Variants in SI observed in about 807,000 individuals in gnomAD.
SI encodes the protein sucrase-isomaltase, also known as sucrase-isomaltase, intestinal.
In SI, 235 loss-of-function variants were observed where a neutral mutation model predicts 253.3. That is an observed-to-expected ratio of 0.93 (90% CI 0.83 to 1.03). SI has a LOEUF of 1.03. Ranked by LOEUF, SI falls within the 50% of genes least tolerant of loss-of-function variation. The pLI, the probability that SI is intolerant of heterozygous loss-of-function variation, is 0.00. For synonymous variants in SI, 819 were observed against 712.0 expected (o/e 1.15, Z -2.39); for missense variants, 2,442 against 2,211.1 (o/e 1.10, Z -2.09).
Position 165,023,579 on chromosome 3 carries a change from C to T in SI, c.3090G>A (p.Leu1030=), listed in dbSNP as rs768992798. ...TTTATATCAAGCATACCTTAAACTG[C>T]AACATATCATTTTTGTGATATTTCA... ...VEVKYHKNDM[L]QFKIYDPQKK... Residue 1030 remains leucine (L), a synonymous_variant, in exon 26 of 48, where the codon TTG becomes TTA. Transcript: ENST00000264382. 6.2e-7 allele frequency: 1 copy of T among 1,609,534 alleles called. No homozygotes were observed. The highest frequency in any genetic ancestry group is 8.5e-7 in the Non-Finnish European group (1 of 1,176,914).
intron 44 of SI, 55 bp from the exon 45 acceptor site, chr3:164,987,281 G>T: frequency 7.2e-7 from 1 of 1,385,222 alleles, no homozygotes; most frequent in Non-Finnish European, 1.0e-6. Flanking sequence ...CATATGTCTA[G>T]TTATGATATG....
chr3:165,044,318 A>AT (rs1713005151), intron 16 of SI, among the ~76,000 whole-genome samples: 1 of 151,886 alleles, frequency 6.6e-6, no homozygotes, highest in African/African-American at 2.4e-5. Context: ...ACATAGGATT[A>AT]TTTTTCTGGT....
chr3:165,055,711 C>T (rs1401662373), intron 12 of SI, among the ~76,000 whole-genome samples: 2 of 151,872 alleles, frequency 1.3e-5, no homozygotes, highest in African/African-American at 2.4e-5. Context: ...TAAAAACTGT[C>T]TTTTATGTTT....
At position 165,062,711 on chromosome 3, in the gene SI, G is replaced by A. The variant is rs531302759; in HGVS notation, c.908-228C>T. Reference sequence around the variant, plus strand: ...TCCCAGCTATTTTCTTTCACAGGTGGTGGCAAAAGCTCCCCTGGATATTGT... The same window carrying A: ...TCCCAGCTATTTTCTTTCACAGGTGATGGCAAAAGCTCCCCTGGATATTGT... On this transcript the variant is annotated intron_variant, in intron 8 of 47. Transcript: ENST00000264382. Among the ~76,000 whole-genome samples, 6 of 152,100 alleles carry A rather than the reference G, an allele frequency of 3.9e-5. No homozygotes were observed. In the South Asian group the frequency reaches 1.2e-3, roughly 32 times the overall value.
chr3:165,035,805 A>G (rs1712501981), intron 22 of SI, among the ~76,000 whole-genome samples: 1 of 151,630 alleles, frequency 6.6e-6, no homozygotes, highest in Non-Finnish European at 1.5e-5. Flanking sequence ...ATAGTTAAAT[A>G]CAAATAGACA....
Position 165,049,882 on chromosome 3 carries a change from G to A in SI, c.1513-7C>T, listed in dbSNP as rs763896325. The A allele has an allele frequency of 1.4e-5, 21 of 1,554,774 alleles. No individual in the cohort carries two copies. The highest frequency in any genetic ancestry group is 1.7e-5 in the Non-Finnish European group (19 of 1,126,958). On this transcript the variant is annotated splice_polypyrimidine_tract_variant and splice_region_variant and intron_variant, in intron 13 of 47. Transcript: ENST00000264382. ...TGGAAACTTCATTCATGTCCTGAAT[G>A]GATACAAAATGAAGAACAGCAGATT...
At chr3:165,042,083 C>A (rs1712863153) in intron 17 of SI, among the ~76,000 whole-genome samples, 1 of 152,026 alleles carries the variant, frequency 6.6e-6, no homozygotes, top group Non-Finnish European at 1.5e-5. Context: ...CTCATGCCCA[C>A]TCCCTTTGTC....
chr3:165,031,359 AAT>A (rs904644474), intron 24 of SI, among the ~76,000 whole-genome samples: 56 of 147,280 alleles, frequency 3.8e-4, no homozygotes, highest in African/African-American at 1.2e-3. Context: ...ATATATATAT[AAT>A]ATATATATAT....
At position 165,063,516 on chromosome 3, in the gene SI, T is replaced by G; in HGVS notation, c.833A>C (p.Gln278Pro). The change falls in exon 8 of 48, where the codon CAA becomes CCA. Residue 278 changes from glutamine (Q) to proline (P), a missense_variant. Coordinates refer to ENST00000264382, the MANE Select transcript of SI (RefSeq NM_001041.4). ...ATCTTCAATACACATAAAGAATGTT[T>G]GATGGCCGTATAAATTATTATTATT... ...GDNNNNLYGH[Q>P]TFFMCIEDTS... 4 of 1,540,864 alleles carry G rather than the reference T, an allele frequency of 2.6e-6. No individual in the cohort carries two copies. The highest frequency in any genetic ancestry group is 3.6e-6 in the Non-Finnish European group (4 of 1,121,628).
the SI span, among the ~76,000 whole-genome samples, chr3:165,086,497 G>C: frequency 6.6e-6 from 1 of 152,088 alleles, no homozygotes; most frequent in Non-Finnish European, 1.5e-5. Context: ...CTACTTTTTT[G>C]TTAGGTTAAT....
chr3:165,018,064 G>A lies in SI; in HGVS notation c.3426C>T (p.Tyr1142=). The A allele has an allele frequency of 6.4e-7, 1 of 1,567,684 alleles. No individual in the cohort carries two copies. Among genetic ancestry groups the A allele is most frequent in the Non-Finnish European group, 8.8e-7 (1 of 1,138,160 alleles). The change falls in exon 29 of 48, where the codon TAC becomes TAT. Residue 1142 remains tyrosine, a splice_region_variant and synonymous_variant. Coordinates refer to ENST00000264382, the MANE Select transcript of SI (RefSeq NM_001041.4). ...GATGAAATCCATAGGAATTAAGTTT[G>A]TACTGAAATACGAAAAATAAGCACA... The part of the protein sequence containing the change: ...GMFTRDQPPG[Y]KLNSYGFHPY...
At chr3:165,049,101 A>C (rs753706291) in intron 15 of SI, 26 bp downstream of exon 15, 2 of 1,161,740 alleles carry the variant, frequency 1.7e-6, no homozygotes, top group South Asian at 1.2e-5. Context: ...AATATGAAAG[A>C]AGTCTTTGAA....
intron 37 of SI, among the ~76,000 whole-genome samples, chr3:165,001,055 A>T (rs1718236262): frequency 6.6e-6 from 1 of 151,352 alleles, no homozygotes; most frequent in Non-Finnish European, 1.5e-5. Flanking sequence ...TTAAAAATTT[A>T]AAACATATTT....
Position 165,023,609 on chromosome 3 carries a change from C to T in SI, c.3060G>A (p.Val1020=). Reference sequence around the variant, plus strand: ...TATCATTTTTGTGATATTTCACCTCCACACGAAGAGTTGAGATGGGGTCAG... The same window carrying T: ...TATCATTTTTGTGATATTTCACCTCTACACGAAGAGTTGAGATGGGGTCAG... ...LPSDPISTLR[V]EVKYHKNDML... The change falls in exon 26 of 48, where the codon GTG becomes GTA. Residue 1020 remains valine, a synonymous_variant. Transcript: ENST00000264382. The T allele has an allele frequency of 6.2e-7, 1 of 1,610,694 alleles. No individual in the cohort carries two copies. Among genetic ancestry groups the T allele is most frequent in the Non-Finnish European group, 8.5e-7 (1 of 1,177,844 alleles).
chr3:165,063,510 A>G lies in SI; in HGVS notation c.839T>C (p.Phe280Ser), dbSNP rs1714079690. Reference protein sequence around the residue: ...NNNNLYGHQTFFMCIEDTSGK... With the variant: ...NNNNLYGHQTSFMCIEDTSGK... ...AGATGTATCTTCAATACACATAAAG[A>G]ATGTTTGATGGCCGTATAAATTATT... The change falls in exon 8 of 48, where the codon TTC (phenylalanine) becomes TCC (serine). Residue 280 changes from phenylalanine to serine, a missense_variant. Physicochemically the swap from Phe to Ser is radical, Grantham distance 155. Transcript: ENST00000264382. 6.4e-7 allele frequency: 1 copy of G among 1,552,480 alleles called. No individual in the cohort carries two copies. Among genetic ancestry groups the G allele is most frequent in the Non-Finnish European group, 8.8e-7 (1 of 1,131,072 alleles).
chr3:165,065,348 A>T lies in SI; in HGVS notation c.720T>A (p.Gly240=), dbSNP rs760569974. ...ATCTCTTATGAACTTGTTCTCCAAT[A>T]CCATAAATATAATCACTTGGAAGAC... The part of the protein sequence containing the change: ...STRLPSDYIY[G]IGEQVHKRFR... Residue 240 remains glycine, a synonymous_variant, in exon 7 of 48, where the codon GGT becomes GGA. Transcript: ENST00000264382. 1 of 1,597,282 alleles carries T rather than the reference A, an allele frequency of 6.3e-7. No individual in the cohort carries two copies. Among genetic ancestry groups the T allele is most frequent in the South Asian group, 1.1e-5 (1 of 90,744 alleles).
At chr3:165,070,230 A>G (rs1166850525) in intron 3 of SI, among the ~76,000 whole-genome samples, 1 of 143,668 alleles carries the variant, frequency 7.0e-6, no homozygotes, top group African/African-American at 2.6e-5. Flanking sequence ...TATATAGAAT[A>G]AAAATACACA....
chr3:164,996,534 C>G lies in SI; in HGVS notation c.4692+1G>C, dbSNP rs780003350. 9 of 1,417,476 alleles carry G rather than the reference C, an allele frequency of 6.3e-6. No homozygotes were observed. The highest frequency in any genetic ancestry group is 9.0e-6 in the Non-Finnish European group (9 of 1,001,626). 87.8% of individuals were successfully genotyped at this position (1,417,476 alleles called of 1,614,324 possible). On this transcript the variant is annotated splice_donor_variant, in intron 40 of 47. Transcript: ENST00000264382. LOFTEE classifies it high-confidence loss of function. ...TGAAAGTAAATGTAGTAATTACATACTCTAGTATTTGCAATGTTGTGATTC... is the reference window on the plus strand; with the variant it reads ...TGAAAGTAAATGTAGTAATTACATAGTCTAGTATTTGCAATGTTGTGATTC...
At chr3:165,026,389 A>G (rs897764708) in intron 25 of SI, among the ~76,000 whole-genome samples, 2 of 151,348 alleles carry the variant, frequency 1.3e-5, no homozygotes, top group Non-Finnish European at 3.0e-5. Context: ...ATAGTGGAGG[A>G]CTTCAATACT....
Sources: allele counts gnomAD v4.1 joint callset (sites outside exome capture counted in the v4.1 genomes callset), GRCh38; gene constraint gnomAD v4.1.1; transcripts MANE v1.5; gene names NCBI Gene and HGNC (gene_info 2026-07-23, HGNC 2026-07-21).